KLHL13: variants seen among roughly 807,000 people sequenced by gnomAD.
KLHL13 encodes the protein kelch-like protein 13.
KLHL13 carries 10 observed loss-of-function variants against 37.1 expected under a neutral mutation model. The ratio of observed to expected loss-of-function variants is 0.27; its 90% CI spans 0.17 to 0.46. The LOEUF is 0.46. KLHL13 is among the 20% of genes least tolerant of loss of function. KLHL13 has a pLI of 1.00. For missense variants in KLHL13, 360 were observed against 509.3 expected, an observed-to-expected ratio of 0.71 and a Z score of 2.82; for synonymous variants, 163 against 181.2, an observed-to-expected ratio of 0.90 and a Z score of 0.81.
intron 1 of KLHL13, among the ~76,000 whole-genome samples, chrX:118,052,187 T>C (rs999568835): frequency 1.8e-5 from 2 of 110,945 alleles, no homozygotes; most frequent in East Asian, 2.8e-4. Context: ...ATGTTTCAGA[T>C]AGATTAAATA....
rs753969809 is a variant in KLHL13, at chrX:117,958,357, TTCTC to T, written c.99-12786_99-12783del. 3.2e-4 allele frequency among the ~76,000 whole-genome samples: 35 copies of T among 110,741 alleles called. 2 individuals carry two copies. The highest frequency in any genetic ancestry group is 1.7e-3 in the East Asian group (6 of 3,517). ...TAAAAGTTATGTGAATGTGCTCTTT[TTCTC>T]TCTCTCTTTCTCAAAATATCTTATC... On this transcript the variant is annotated intron_variant, in intron 1 of 6. Transcript: ENST00000262820.
At chrX:118,019,550 G>A (rs1199028488) in intron 1 of KLHL13, among the ~76,000 whole-genome samples, 1 of 111,138 alleles carries the variant, frequency 9.0e-6, no homozygotes, top group African/African-American at 3.3e-5. Context: ...TGGTGTTTTA[G>A]ACATGAAGTC....
intron 1 of KLHL13, among the ~76,000 whole-genome samples, chrX:117,965,825 G>A (rs2053415846): frequency 9.0e-6 from 1 of 111,676 alleles, no homozygotes; most frequent in African/African-American, 3.3e-5. Flanking sequence ...CTCAATAGAT[G>A]CAGAAAAGGC....
intron 1 of KLHL13, among the ~76,000 whole-genome samples, chrX:117,951,511 T>A (rs1463794896): frequency 9.0e-6 from 1 of 111,432 alleles, no homozygotes; most frequent in Non-Finnish European, 1.9e-5. Flanking sequence ...CTTTTGTTAG[T>A]TATTTGTAGT....
intron 1 of KLHL13, among the ~76,000 whole-genome samples, chrX:118,072,012 G>A (rs1161138386): frequency 2.0e-4 from 22 of 110,704 alleles, no homozygotes; most frequent in African/African-American, 6.9e-4. Context: ...AAAAGAGCCT[G>A]CATCACCAAG....
intron 1 of KLHL13, among the ~76,000 whole-genome samples, chrX:117,964,842 G>T (rs759264219): frequency 2.7e-5 from 3 of 110,843 alleles, no homozygotes; most frequent in Admixed American, 9.6e-5. Flanking sequence ...GCAGTGTTTG[G>T]TTTTTGGTCC....
chrX:118,116,280 G>C (rs778758981), intron 1 of KLHL13, among the ~76,000 whole-genome samples: 1 of 112,276 alleles, frequency 8.9e-6, no homozygotes, highest in African/African-American at 3.2e-5. Context: ...GCGTCCGACG[G>C]AGCCAGAGGG....
chrX:117,919,085 G>A lies in KLHL13; in HGVS notation c.570+436C>T, dbSNP rs568967959. 1.5e-3 allele frequency among the ~76,000 whole-genome samples: 167 copies of A among 110,574 alleles called. 2 individuals carry two copies. The highest frequency in any genetic ancestry group is 5.2e-3 in the African/African-American group (159 of 30,388). ...GTTGCCCAGGCTGGAGTGCAATGGC[G>A]TGATCTCAGTTCGCCACAACCTCCA... On this transcript the variant is annotated intron_variant, in intron 4 of 6. Transcript: ENST00000262820.
At chrX:118,020,737 T>C (rs1225566277) in intron 1 of KLHL13, among the ~76,000 whole-genome samples, 2 of 110,351 alleles carry the variant, frequency 1.8e-5, no homozygotes, top group African/African-American at 3.3e-5. Context: ...GACTTGGAAC[T>C]AACCCAAATG....
At chrX:118,026,870 A>G (rs2054280212) in intron 1 of KLHL13, among the ~76,000 whole-genome samples, 1 of 111,873 alleles carries the variant, frequency 8.9e-6, no homozygotes, top group Non-Finnish European at 1.9e-5. Flanking sequence ...CAGACAAGAA[A>G]AGAGCTTTCA....
intron 1 of KLHL13, among the ~76,000 whole-genome samples, chrX:118,031,985 G>A (rs1002706777): frequency 7.2e-5 from 8 of 110,530 alleles, no homozygotes; most frequent in Non-Finnish European, 1.5e-4. Flanking sequence ...GTGACAGACC[G>A]CACCTAGAAA....
chrX:118,096,291 C>T (rs1294604589), intron 1 of KLHL13, among the ~76,000 whole-genome samples: 1 of 111,745 alleles, frequency 8.9e-6, no homozygotes, highest in East Asian at 2.8e-4. Flanking sequence ...TCAGAGAATA[C>T]TATAAACACC....
intron 1 of KLHL13, among the ~76,000 whole-genome samples, chrX:118,047,539 T>C (rs751611177): frequency 6.2e-4 from 70 of 112,233 alleles, no homozygotes; most frequent in Non-Finnish European, 1.2e-3. Context: ...AAACCAATAT[T>C]AGGTTGGTGT....
At chrX:117,909,782 G>A (rs150238128) in exon 5 of KLHL13, 33 of 1,170,050 alleles carry the variant, frequency 2.8e-5, no homozygotes, top group African/African-American at 1.3e-4. Context: ...CCGTTTGCAC[G>A]TAATTAATGA....
chrX:118,087,596 G>A (rs2055069938), intron 1 of KLHL13, among the ~76,000 whole-genome samples: 1 of 111,010 alleles, frequency 9.0e-6, no homozygotes, highest in Admixed American at 9.6e-5. Flanking sequence ...CTGGAAATAA[G>A]ATTTCTGACT....
At chrX:118,091,372 T>C (rs185470453) in intron 1 of KLHL13, among the ~76,000 whole-genome samples, 1 of 111,738 alleles carries the variant, frequency 8.9e-6, no homozygotes, top group African/African-American at 3.2e-5. Context: ...AAATGCTTCA[T>C]TGAGCAATTA....
chrX:117,983,284 T>C (rs918452939), intron 1 of KLHL13, among the ~76,000 whole-genome samples: 3 of 111,494 alleles, frequency 2.7e-5, no homozygotes, highest in Non-Finnish European at 1.9e-5. Context: ...TTGGAAAATA[T>C]AAGGCACAAT....
At chrX:117,995,281 A>C (rs1373216352) in intron 1 of KLHL13, among the ~76,000 whole-genome samples, 2 of 111,917 alleles carry the variant, frequency 1.8e-5, no homozygotes, top group Admixed American at 9.5e-5. Context: ...CAATTGTAAA[A>C]ATACATACTT....
intron 1 of KLHL13, among the ~76,000 whole-genome samples, chrX:118,032,807 A>C (rs1288151916): frequency 8.9e-6 from 1 of 111,838 alleles, no homozygotes; most frequent in East Asian, 2.8e-4. Flanking sequence ...TAAGGGAGGA[A>C]ATTCAAACCA....
Sources: gnomAD v4.1 joint callset for allele counts (sites outside exome capture counted in the v4.1 genomes callset) on GRCh38, gnomAD v4.1.1 for gene constraint, MANE v1.5 for transcripts, NCBI Gene and HGNC (gene_info 2026-07-23, HGNC 2026-07-21) for gene names.